RAP1A: variants seen among roughly 807,000 people sequenced by gnomAD.
RAP1A encodes the protein ras-related protein Rap-1A.
A neutral mutation model predicts 26.4 loss-of-function variants in RAP1A; 6 were observed. The ratio of observed to expected loss-of-function variants is 0.23; its 90% CI spans 0.12 to 0.45. The LOEUF is 0.45. RAP1A is among the 20% of genes least tolerant of loss of function. The pLI is 0.99. For missense variants in RAP1A, 121 were observed against 217.2 expected (o/e 0.56, Z 2.78); for synonymous variants, 73 against 79.4 (o/e 0.92, Z 0.43).
At chr1:111,709,839 G>A (rs480578) in intron 7 of RAP1A, among the ~76,000 whole-genome samples, 62,890 of 152,014 alleles carry the variant, frequency 0.41, 13,241 homozygotes, top group African/African-American at 0.49. Context: ...AAATGTATCA[G>A]TAGTTCATTT....
intron 1 of RAP1A, among the ~76,000 whole-genome samples, chr1:111,581,359 T>A (rs1658254690): frequency 6.6e-6 from 1 of 152,152 alleles, no homozygotes. Flanking sequence ...CCGGGGACAT[T>A]CAGTATCTGG....
chr1:111,598,500 G>A (rs556764767), intron 1 of RAP1A, among the ~76,000 whole-genome samples: 1 of 151,932 alleles, frequency 6.6e-6, no homozygotes, highest in Non-Finnish European at 1.5e-5. Flanking sequence ...AAACTGTTGA[G>A]GAGCACTTTT....
rs145758478 is a variant in RAP1A, at chr1:111,635,135, A to G, written c.-28+15201A>G. 5.2e-3 allele frequency among the ~76,000 whole-genome samples: 785 copies of G among 152,320 alleles called. 8 individuals carry two copies. Among genetic ancestry groups the G allele is most frequent in the African/African-American group, 0.018 (743 of 41,570 alleles). ...TAAACATTTTTCCTTTAAAACTAAAACAGATGCAAAATTAAGTTGCCATTT... is the reference window on the plus strand; with the variant it reads ...TAAACATTTTTCCTTTAAAACTAAAGCAGATGCAAAATTAAGTTGCCATTT... On this transcript the variant is annotated intron_variant, in intron 1 of 7. Transcript: ENST00000369709.
At chr1:111,698,685 G>C (rs1244655587) in intron 4 of RAP1A, among the ~76,000 whole-genome samples, 2 of 152,146 alleles carry the variant, frequency 1.3e-5, no homozygotes, top group Non-Finnish European at 1.5e-5. Flanking sequence ...AAATTGGAGT[G>C]ATTTTATACA....
intron 1 of RAP1A, among the ~76,000 whole-genome samples, chr1:111,663,319 G>A (rs1417850643): frequency 1.3e-5 from 2 of 152,122 alleles, no homozygotes; most frequent in African/African-American, 2.4e-5. Flanking sequence ...TGGATTTACT[G>A]GATTAAGGAA....
At chr1:111,581,706 A>T (rs1434716975) in intron 1 of RAP1A, among the ~76,000 whole-genome samples, 1 of 152,214 alleles carries the variant, frequency 6.6e-6, no homozygotes, top group Non-Finnish European at 1.5e-5. Context: ...AAAAAATTGA[A>T]TACTATGTAG....
At chr1:111,619,629 G>C, upstream of RAP1A, 2 of 389,650 alleles carry the variant, frequency 5.1e-6, no homozygotes, top group Non-Finnish European at 9.1e-6. Flanking sequence ...GGTAGCTCCA[G>C]GCTTTCCCGG....
intron 1 of RAP1A, among the ~76,000 whole-genome samples, chr1:111,637,157 A>C (rs1415080505): frequency 6.6e-6 from 1 of 152,122 alleles, no homozygotes; most frequent in Non-Finnish European, 1.5e-5. Flanking sequence ...TTTGTATTAT[A>C]TTTTTAAAGC....
intron 1 of RAP1A, among the ~76,000 whole-genome samples, chr1:111,564,705 G>A (rs1331418922): frequency 6.6e-6 from 1 of 151,424 alleles, no homozygotes. Context: ...GTAGAGATGG[G>A]GTTTCACCGA....
chr1:111,664,554 A>G lies in RAP1A; in HGVS notation c.-27-26780A>G, dbSNP rs35155952. ...GCCTTTTTTCTGGAATTCCATGTCT[A>G]TAACATTCTGTCTACCTACACCCCC... On this transcript the variant is annotated intron_variant, in intron 1 of 7. Transcript: ENST00000369709. Among the ~76,000 whole-genome samples the G allele has an allele frequency of 1.2e-3, 177 of 152,082 alleles. 2 individuals carry two copies. Among genetic ancestry groups the G allele is most frequent in the Non-Finnish European group, 2.1e-3 (141 of 67,982 alleles).
chr1:111,595,301 C>G (rs571808046), intron 1 of RAP1A, among the ~76,000 whole-genome samples: 19 of 152,278 alleles, frequency 1.2e-4, no homozygotes, highest in South Asian at 1.2e-3. Context: ...ATAGGACAAT[C>G]AGAGGGAGGT....
intron 1 of RAP1A, among the ~76,000 whole-genome samples, chr1:111,585,384 C>T (rs576589715): frequency 1.3e-5 from 2 of 151,710 alleles, no homozygotes; most frequent in Admixed American, 6.6e-5. Flanking sequence ...GCAGCAAGGC[C>T]GGTGATTAAG....
rs116379202 is a variant in RAP1A at position 111,621,639 on chromosome 1, C to G, written c.-28+1705C>G. Among the ~76,000 whole-genome samples, 1,055 of 152,292 alleles carry G rather than the reference C, an allele frequency of 6.9e-3. 9 individuals are homozygous for G. Among genetic ancestry groups the G allele is most frequent in the African/African-American group, 0.024 (1,016 of 41,570 alleles). On this transcript the variant is annotated intron_variant, in intron 1 of 7. Transcript: ENST00000369709. ...TATATTAGGATACTGCAGTCCATTT[C>G]CAGTTTGTAAGATAGTAATTCTTAA...
Position 111,716,420 on chromosome 1 carries a change from C to T in RAP1A, c.*4019C>T, listed in dbSNP as rs1356885672. 2 of 152,204 alleles carry T rather than the reference C, an allele frequency of 1.3e-5. No homozygotes were observed. The highest frequency in any genetic ancestry group is 2.9e-5 in the Non-Finnish European group (2 of 68,048). The allele number at this position is 152,204 out of a possible 1,614,324, so 9.4% of individuals were successfully genotyped here. ...GCAGTCCATTTATTGCCCTGTCTTG[C>T]TTAAATATTCTTGTTGAGAACAGCT... is the stretch of plus-strand genomic sequence containing the variant. On this transcript the variant is annotated 3_prime_UTR_variant, in exon 8 of 8. Transcript: ENST00000369709.
At chr1:111,581,070 C>CTTTTTTTTTTTTTTTTTG (rs1262794420) in intron 1 of RAP1A, among the ~76,000 whole-genome samples, 1 of 99,216 alleles carries the variant, frequency 1.0e-5, no homozygotes, top group African/African-American at 2.7e-5. Flanking sequence ...TGCTATTTCT[C>CTTTTTTTTTTTTTTTTTG]AGTGGGAGCT....
chr1:111,679,433 G>A (rs1007178124), intron 1 of RAP1A, among the ~76,000 whole-genome samples: 2 of 152,190 alleles, frequency 1.3e-5, no homozygotes, highest in African/African-American at 4.8e-5. Context: ...CACCACCAGG[G>A]TCTGGGGTTT....
intron 1 of RAP1A, among the ~76,000 whole-genome samples, chr1:111,675,450 C>T (rs919745139): frequency 1.3e-4 from 20 of 152,044 alleles, no homozygotes; most frequent in East Asian, 3.9e-4. Context: ...CCAGCCTGGG[C>T]GACAGAGTGA....
chr1:111,561,366 C>T (rs573442101), intron 1 of RAP1A, among the ~76,000 whole-genome samples: 9 of 152,312 alleles, frequency 5.9e-5, no homozygotes, highest in South Asian at 4.1e-4. Flanking sequence ...TCAAGCGATC[C>T]GCTTGTCTCA....
At chr1:111,653,708 A>C (rs1191777689) in intron 1 of RAP1A, among the ~76,000 whole-genome samples, 2 of 145,880 alleles carry the variant, frequency 1.4e-5, no homozygotes, top group East Asian at 4.0e-4. Context: ...AAAAAAAAAA[A>C]AGGTGGATTT....
Sources: allele counts gnomAD v4.1 joint callset (sites outside exome capture counted in the v4.1 genomes callset), GRCh38; gene constraint gnomAD v4.1.1; transcripts MANE v1.5; gene names NCBI Gene and HGNC (gene_info 2026-07-23, HGNC 2026-07-21).